The following PTPRR variants were observed in gnomAD, a reference collection of about 807,000 sequenced individuals.
PTPRR encodes the protein protein tyrosine phosphatase receptor type R.
In PTPRR, 38 loss-of-function variants were observed where a neutral mutation model predicts 77.2. The observed-to-expected ratio is 0.49, with a 90% confidence interval of 0.38 to 0.65. The LOEUF is 0.65. Ranked by LOEUF, PTPRR falls within the 30% of genes least tolerant of loss-of-function variation. PTPRR has a pLI of 0.00. For synonymous variants in PTPRR, 299 were observed against 283.1 expected (o/e 1.06, Z -0.57); for missense variants, 744 against 799.2 (o/e 0.93, Z 0.83).
intron 2 of PTPRR, among the ~76,000 whole-genome samples, chr12:70,830,029 G>C (rs1461437405): frequency 6.6e-6 from 1 of 152,046 alleles, no homozygotes; most frequent in African/African-American, 2.4e-5. Context: ...TTAGAGTTTG[G>C]CTCTAGGTCC....
At chr12:70,641,365 A>G (rs1482200136) in intron 13 of PTPRR, among the ~76,000 whole-genome samples, 1 of 151,984 alleles carries the variant, frequency 6.6e-6, no homozygotes, top group Non-Finnish European at 1.5e-5. Flanking sequence ...CCCTTCTTGT[A>G]TGTTCTGGTC....
At position 70,920,665 on chromosome 12, in the gene PTPRR, G is replaced by A; in HGVS notation, c.-275C>T. 3 of 371,042 alleles carry A rather than the reference G, an allele frequency of 8.1e-6. No homozygotes were observed. The highest frequency in any genetic ancestry group is 1.5e-5 in the Non-Finnish European group (3 of 194,396). The allele number at this position is 371,042 out of a possible 1,614,324, so 23.0% of individuals were successfully genotyped here. On this transcript the variant is annotated 5_prime_UTR_variant, in exon 1 of 14. Coordinates refer to ENST00000283228, the MANE Select transcript of PTPRR (RefSeq NM_002849.4). ...TGCCTGGCCTTCTGGACGCCCAGAAGCCAAGGCGGAGACGGCAGGGTGGAC... is the reference window on the plus strand; with the variant it reads ...TGCCTGGCCTTCTGGACGCCCAGAAACCAAGGCGGAGACGGCAGGGTGGAC...
At chr12:70,747,475 T>C (rs963766596) in intron 5 of PTPRR, among the ~76,000 whole-genome samples, 6 of 152,212 alleles carry the variant, frequency 3.9e-5, no homozygotes, top group Non-Finnish European at 7.3e-5. Context: ...TGCTTGCCTG[T>C]TTACACTTGG....
chr12:70,686,787 G>A (rs1295201968), intron 8 of PTPRR, among the ~76,000 whole-genome samples: 2 of 152,092 alleles, frequency 1.3e-5, no homozygotes, highest in African/African-American at 4.8e-5. Context: ...CCAAAGGCTT[G>A]GCCAACAACT....
chr12:70,830,843 CT>C (rs1892199594), intron 2 of PTPRR, among the ~76,000 whole-genome samples: 1 of 152,210 alleles, frequency 6.6e-6, no homozygotes, highest in East Asian at 1.9e-4. Context: ...ATCAAAGCAG[CT>C]ATGAAATATC....
At chr12:70,914,306 A>T (rs561048084) in intron 1 of PTPRR, among the ~76,000 whole-genome samples, 1 of 152,356 alleles carries the variant, frequency 6.6e-6, no homozygotes, top group African/African-American at 2.4e-5. Flanking sequence ...TTATTCTAAA[A>T]GAAAAGGAGA....
chr12:70,686,550 A>G (rs1031986422), intron 8 of PTPRR, among the ~76,000 whole-genome samples: 1 of 152,198 alleles, frequency 6.6e-6, no homozygotes, highest in Non-Finnish European at 1.5e-5. Flanking sequence ...TAAATAGAAT[A>G]TGGCAGTAGG....
rs374012742 is a variant in PTPRR, at chr12:70,697,773, C to T, written c.1279+492G>A. Among the ~76,000 whole-genome samples, 6 of 152,112 alleles carry T rather than the reference C, an allele frequency of 3.9e-5. No homozygotes were observed. In the East Asian group the frequency reaches 9.7e-4, roughly 25 times the overall value. ...GCATGTGGATATCTGGTTGTTTCTG[C>T]TCCATTTGTTGAAAAGACTCTCTTT... On this transcript the variant is annotated intron_variant, in intron 8 of 13. Transcript: ENST00000283228.
At chr12:70,689,823 C>T (rs7314925) in intron 8 of PTPRR, among the ~76,000 whole-genome samples, 98,656 of 152,064 alleles carry the variant, frequency 0.65, 35,086 homozygotes, top group Non-Finnish European at 0.81. Flanking sequence ...CAAATATGTA[C>T]TTTAAGAGCT....
At chr12:70,782,571 C>G (rs1891225995) in intron 2 of PTPRR, among the ~76,000 whole-genome samples, 1 of 152,032 alleles carries the variant, frequency 6.6e-6, no homozygotes, top group African/African-American at 2.4e-5. Flanking sequence ...CCATCATTCT[C>G]AGCAAACTAT....
chr12:70,820,868 A>C (rs1307085443), intron 2 of PTPRR, among the ~76,000 whole-genome samples: 1 of 152,064 alleles, frequency 6.6e-6, no homozygotes, highest in East Asian at 1.9e-4. Context: ...CCTCTTAGTA[A>C]TTTACTATTC....
chr12:70,751,552 A>G (rs1464863669), intron 5 of PTPRR, among the ~76,000 whole-genome samples: 1 of 152,166 alleles, frequency 6.6e-6, no homozygotes, highest in Non-Finnish European at 1.5e-5. Context: ...CTGCACCCAC[A>G]GTACCCTCTG....
chr12:70,786,035 A>AG (rs1891314992), intron 2 of PTPRR, among the ~76,000 whole-genome samples: 1 of 152,136 alleles, frequency 6.6e-6, no homozygotes, highest in Admixed American at 6.5e-5. Context: ...AGAACCCAGC[A>AG]GCCAAAGCTT....
In PTPRR at chr12:70,696,940, T is replaced by C. The variant is rs545838154; in HGVS notation, c.1279+1325A>G. Among the ~76,000 whole-genome samples the C allele has an allele frequency of 1.1e-3, 165 of 152,320 alleles. 1 individual carries two copies. The highest frequency in any genetic ancestry group is 3.4e-3 in the Middle Eastern group (1 of 294). ...TCAAGGTTCATCAGTGCCTTGTTCC[T>C]TTTTATTGATTCTATTGTGTGACTA... On this transcript the variant is annotated intron_variant, in intron 8 of 13. Transcript: ENST00000283228.
chr12:70,842,724 T>G (rs1262457083), intron 2 of PTPRR, among the ~76,000 whole-genome samples: 1 of 152,242 alleles, frequency 6.6e-6, no homozygotes, highest in Non-Finnish European at 1.5e-5. Flanking sequence ...GATTGCTCAG[T>G]GTGACCTCTT....
intron 2 of PTPRR, among the ~76,000 whole-genome samples, chr12:70,772,752 C>T (rs193058990): frequency 2.6e-5 from 4 of 151,992 alleles, no homozygotes; most frequent in Admixed American, 2.6e-4. Context: ...TAAGAGAGCC[C>T]AGTAATAGGC....
intron 1 of PTPRR, among the ~76,000 whole-genome samples, chr12:70,895,034 T>A (rs569008776): frequency 6.6e-6 from 1 of 151,694 alleles, no homozygotes; most frequent in Non-Finnish European, 1.5e-5. Context: ...TATCGTGGAA[T>A]AAAGCACTTG....
At chr12:70,899,534 A>C (rs1409975773) in intron 1 of PTPRR, among the ~76,000 whole-genome samples, 1 of 151,490 alleles carries the variant, frequency 6.6e-6, no homozygotes, top group African/African-American at 2.4e-5. Context: ...ATAGTAAGAA[A>C]AAATTAAGTA....
At position 70,735,754 on chromosome 12, in the gene PTPRR, T is replaced by C. The variant is rs143914098; in HGVS notation, c.1007+10064A>G. Reference sequence around the variant, plus strand: ...TTACTTATCTCTCTAAGTCTCTCTGTTAGCATAACTGCAAGATGGGCATAG... The same window carrying C: ...TTACTTATCTCTCTAAGTCTCTCTGCTAGCATAACTGCAAGATGGGCATAG... On this transcript the variant is annotated intron_variant, in intron 6 of 13. Coordinates refer to ENST00000283228, the MANE Select transcript of PTPRR (RefSeq NM_002849.4). 4.4e-3 allele frequency among the ~76,000 whole-genome samples: 673 copies of C among 152,334 alleles called. 2 individuals are homozygous for C. The highest frequency in any genetic ancestry group is 7.6e-3 in the Non-Finnish European group (520 of 68,026).
Sources: gnomAD v4.1 joint callset for allele counts (sites outside exome capture counted in the v4.1 genomes callset) on GRCh38, gnomAD v4.1.1 for gene constraint, MANE v1.5 for transcripts, NCBI Gene and HGNC (gene_info 2026-07-23, HGNC 2026-07-21) for gene names.